TTC29: variants seen among roughly 807,000 people sequenced by gnomAD.
TTC29 encodes the protein tetratricopeptide repeat protein 29.
Under a neutral mutation model 58.1 loss-of-function variants are expected in TTC29, and 49 were observed. The observed-to-expected ratio is 0.84, with a 90% confidence interval of 0.67 to 1.07. The LOEUF (loss-of-function observed/expected upper bound fraction) is 1.07, where lower values mean the gene tolerates loss of function less well. Among genes scored for constraint, TTC29 ranks in the 50% least tolerant of loss-of-function variants. TTC29 has a pLI of 0.00. For synonymous variants in TTC29, 209 were observed against 196.8 expected (o/e 1.06, Z -0.52); for missense variants, 582 against 555.6 (o/e 1.05, Z -0.48).
intron 5 of TTC29, among the ~76,000 whole-genome samples, chr4:146,906,603 C>A (rs1733535870): frequency 6.6e-6 from 1 of 152,116 alleles, no homozygotes; most frequent in South Asian, 2.1e-4. Flanking sequence ...CTGGTACATC[C>A]CTAATTCAAA....
intron 11 of TTC29, among the ~76,000 whole-genome samples, chr4:146,778,753 A>C (rs1308262658): frequency 2.0e-5 from 3 of 152,058 alleles, no homozygotes; most frequent in African/African-American, 7.2e-5. Flanking sequence ...ATGCGTTCTC[A>C]CTTATAAGCA....
intron 8 of TTC29, among the ~76,000 whole-genome samples, chr4:146,843,041 A>G (rs907845115): frequency 2.0e-5 from 3 of 152,154 alleles, no homozygotes; most frequent in African/African-American, 7.2e-5. Flanking sequence ...AGTCAAAGGA[A>G]TCAGTGGCTA....
At chr4:146,916,506 A>T (rs1734230740) in intron 4 of TTC29, among the ~76,000 whole-genome samples, 1 of 151,736 alleles carries the variant, frequency 6.6e-6, no homozygotes, top group Non-Finnish European at 1.5e-5. Flanking sequence ...TTGGGCTACC[A>T]ACAGCCATAT....
At chr4:146,772,881 T>C (rs908282276) in intron 11 of TTC29, among the ~76,000 whole-genome samples, 3 of 152,150 alleles carry the variant, frequency 2.0e-5, no homozygotes, top group African/African-American at 7.2e-5. Flanking sequence ...TTCATTTGTG[T>C]TATCTCTGAT....
At chr4:146,837,181 A>G (rs1728566169) in intron 8 of TTC29, among the ~76,000 whole-genome samples, 2 of 152,142 alleles carry the variant, frequency 1.3e-5, no homozygotes, top group African/African-American at 4.8e-5. Flanking sequence ...GAATGAGATC[A>G]TGTCCCTTGC....
chr4:146,787,229 T>G (rs1041258372), intron 11 of TTC29, among the ~76,000 whole-genome samples: 1 of 152,192 alleles, frequency 6.6e-6, no homozygotes, highest in Non-Finnish European at 1.5e-5. Context: ...TCATATTGCA[T>G]GAGGATACAT....
At chr4:146,893,742 G>A (rs139102025) in intron 6 of TTC29, among the ~76,000 whole-genome samples, 167 of 152,094 alleles carry the variant, frequency 1.1e-3, no homozygotes, top group African/African-American at 3.5e-3. Context: ...CAGAGTGAAC[G>A]GGCAACCTAC....
intron 8 of TTC29, among the ~76,000 whole-genome samples, chr4:146,835,572 C>T (rs1728454837): frequency 6.6e-6 from 1 of 152,016 alleles, no homozygotes; most frequent in South Asian, 2.1e-4. Flanking sequence ...GTGTCTCAGG[C>T]ACTATGTTAG....
chr4:146,787,235 T>C (rs751549272), intron 11 of TTC29, among the ~76,000 whole-genome samples: 1 of 152,186 alleles, frequency 6.6e-6, no homozygotes, highest in African/African-American at 2.4e-5. Flanking sequence ...TGCATGAGGA[T>C]ACATTTCCAG....
At chr4:146,746,536 A>G (rs980218167) in intron 11 of TTC29, among the ~76,000 whole-genome samples, 6 of 152,250 alleles carry the variant, frequency 3.9e-5, no homozygotes, top group Non-Finnish European at 1.5e-5. Flanking sequence ...ATCCTGTGGC[A>G]TATATGCAAA....
chr4:146,829,896 G>A (rs1728047479), intron 9 of TTC29, among the ~76,000 whole-genome samples: 1 of 152,120 alleles, frequency 6.6e-6, no homozygotes, highest in Non-Finnish European at 1.5e-5. Context: ...TAAATAATCT[G>A]AGTATTTTGG....
At chr4:146,769,507 T>A (rs1221415813) in intron 11 of TTC29, among the ~76,000 whole-genome samples, 11 of 152,104 alleles carry the variant, frequency 7.2e-5, no homozygotes, top group African/African-American at 2.6e-4. Flanking sequence ...AAAATAGGGA[T>A]TAAGCATATA....
intron 11 of TTC29, among the ~76,000 whole-genome samples, chr4:146,786,742 C>T (rs1488110531): frequency 6.6e-6 from 1 of 152,102 alleles, no homozygotes; most frequent in Non-Finnish European, 1.5e-5. Flanking sequence ...GAAGTGACCA[C>T]ATAACATTTA....
intron 10 of TTC29, among the ~76,000 whole-genome samples, chr4:146,818,104 A>G (rs1397865575): frequency 2.0e-5 from 3 of 152,138 alleles, no homozygotes; most frequent in African/African-American, 2.4e-5. Flanking sequence ...AAACTAAAGA[A>G]CTTCTGCACA....
Position 146,823,318 on chromosome 4 carries a change from A to G in TTC29, c.978-3070T>C, listed in dbSNP as rs575183588. 4.3e-4 allele frequency among the ~76,000 whole-genome samples: 66 copies of G among 152,316 alleles called. 1 individual carries two copies. The highest frequency in any genetic ancestry group is 7.9e-4 in the Non-Finnish European group (54 of 68,022). The stretch of plus-strand genomic sequence containing the variant: ...AAGGGGTCAAGTTTCAGTTTTCTGC[A>G]TATGGCTAGCCAGTTTTCCCAGCAC... On this transcript the variant is annotated intron_variant, in intron 9 of 12. Transcript: ENST00000325106.
chr4:146,792,581 G>GT (rs1749543434), intron 11 of TTC29, among the ~76,000 whole-genome samples: 1 of 152,104 alleles, frequency 6.6e-6, no homozygotes, highest in South Asian at 2.1e-4. Flanking sequence ...GATTAATGTT[G>GT]TTTTTATGCC....
intron 8 of TTC29, among the ~76,000 whole-genome samples, chr4:146,864,847 A>G (rs1333289918): frequency 6.6e-6 from 1 of 151,938 alleles, no homozygotes; most frequent in Non-Finnish European, 1.5e-5. Flanking sequence ...ATCCAGAATG[A>G]GCACTTCATC....
chr4:146,871,645 CAATT>C (rs1730938082), intron 7 of TTC29, among the ~76,000 whole-genome samples: 1 of 151,600 alleles, frequency 6.6e-6, no homozygotes, highest in South Asian at 2.1e-4. Context: ...AATTAAGAAA[CAATT>C]CCATTTACAA....
At position 146,737,273 on chromosome 4, in the gene TTC29, A is replaced by G. The variant is rs1257690774; in HGVS notation, c.1331-29722T>C. ...TGGAGATTGGGGGATGCATTAAAGT[A>G]GAACAAGTCAATATTCATTAGAAGA... is the stretch of plus-strand genomic sequence containing the variant. On this transcript the variant is annotated intron_variant, in intron 11 of 12. Coordinates refer to ENST00000325106, the MANE Select transcript of TTC29 (RefSeq NM_031956.4). Among the ~76,000 whole-genome samples, 4 of 152,160 alleles carry G rather than the reference A, an allele frequency of 2.6e-5. No homozygotes were observed. In the East Asian group the frequency reaches 5.8e-4, roughly 22 times the overall value.
Sources: allele counts gnomAD v4.1 joint callset (sites outside exome capture counted in the v4.1 genomes callset), GRCh38; gene constraint gnomAD v4.1.1; transcripts MANE v1.5; gene names NCBI Gene and HGNC (gene_info 2026-07-23, HGNC 2026-07-21).